PLEKHA5: variants seen among roughly 807,000 people sequenced by gnomAD.
PLEKHA5 encodes pleckstrin homology domain containing A5.
A neutral mutation model predicts 181.9 loss-of-function variants in PLEKHA5; 55 were observed. That is an observed-to-expected ratio of 0.30 (90% CI 0.24 to 0.38). PLEKHA5 has a LOEUF of 0.38. Ranked by LOEUF, PLEKHA5 falls within the 10% of genes least tolerant of loss-of-function variation. PLEKHA5 has a pLI of 1.00. For synonymous variants in PLEKHA5, 535 were observed against 529.4 expected, an observed-to-expected ratio of 1.01 and a Z score of -0.15; for missense variants, 1,432 against 1,549.5, an observed-to-expected ratio of 0.92 and a Z score of 1.27.
At chr12:19,330,707 A>T (rs2092754154) in intron 20 of PLEKHA5, among the ~76,000 whole-genome samples, 1 of 152,192 alleles carries the variant, frequency 6.6e-6, no homozygotes, top group African/African-American at 2.4e-5. Context: ...GATTGACCTG[A>T]AAAATCAACT....
intron 3 of PLEKHA5, among the ~76,000 whole-genome samples, chr12:19,242,755 T>C (rs182370274): frequency 2.6e-5 from 4 of 152,316 alleles, no homozygotes; most frequent in African/African-American, 9.6e-5. Context: ...ATCATACTCA[T>C]ATTTTCTCAC....
intron 3 of PLEKHA5, among the ~76,000 whole-genome samples, chr12:19,239,889 A>T (rs771604155): frequency 7.9e-5 from 12 of 152,156 alleles, no homozygotes; most frequent in Non-Finnish European, 1.8e-4. Flanking sequence ...GTTTATGGTT[A>T]TGAGACTCTT....
At chr12:19,329,977 C>T (rs2092687366) in intron 20 of PLEKHA5, among the ~76,000 whole-genome samples, 2 of 151,546 alleles carry the variant, frequency 1.3e-5, no homozygotes, top group Admixed American at 6.6e-5. Context: ...GGAGTGCCAA[C>T]TACTCAGGAG....
intron 5 of PLEKHA5, among the ~76,000 whole-genome samples, chr12:19,256,276 A>G (rs1369136926): frequency 6.6e-6 from 1 of 152,260 alleles, no homozygotes; most frequent in Non-Finnish European, 1.5e-5. Context: ...AACACAGCAC[A>G]CTAACAACAG....
In PLEKHA5 at chr12:19,360,915, C is replaced by G. The variant is rs982360017; in HGVS notation, c.3484-667C>G. Among the ~76,000 whole-genome samples, 3 of 151,946 alleles carry G rather than the reference C, an allele frequency of 2.0e-5. No homozygotes were observed. The South Asian group carries it at 6.2e-4, about 32-fold the overall frequency. On this transcript the variant is annotated intron_variant, in intron 28 of 31. Coordinates refer to ENST00000429027, the MANE Select transcript of PLEKHA5 (RefSeq NM_001256470.2). ...GGATTACAGGCATGTGCCACCACGC[C>G]CAGCTAATTTTTTGTGTTATTAGTA...
At chr12:19,339,724 A>G (rs935143833) in intron 21 of PLEKHA5, among the ~76,000 whole-genome samples, 4 of 152,316 alleles carry the variant, frequency 2.6e-5, no homozygotes, top group Non-Finnish European at 2.9e-5. Flanking sequence ...GTCATACTCT[A>G]TGAATGGTAA....
chr12:19,197,288 C>G (rs544791581), intron 3 of PLEKHA5, among the ~76,000 whole-genome samples: 1 of 152,152 alleles, frequency 6.6e-6, no homozygotes, highest in South Asian at 2.1e-4. Context: ...CCATTCAGAC[C>G]AGTCTCTCAT....
At chr12:19,244,714 G>A (rs1163815310) in intron 3 of PLEKHA5, among the ~76,000 whole-genome samples, 1 of 152,104 alleles carries the variant, frequency 6.6e-6, no homozygotes, top group Non-Finnish European at 1.5e-5. Flanking sequence ...TCTCTTCTGT[G>A]GGATTCTAAA....
chr12:19,351,819 A>G (rs1342917879), intron 25 of PLEKHA5, among the ~76,000 whole-genome samples: 3 of 152,172 alleles, frequency 2.0e-5, no homozygotes, highest in African/African-American at 7.2e-5. Flanking sequence ...CACACCTGTA[A>G]TCTCAGCATT....
chr12:19,369,700 T>C lies in PLEKHA5; in HGVS notation c.3762T>C (p.Ser1254=). The C allele has an allele frequency of 6.2e-7, 1 of 1,605,402 alleles. No individual in the cohort carries two copies. The highest frequency in any genetic ancestry group is 8.5e-7 in the Non-Finnish European group (1 of 1,174,684). The change falls in exon 31 of 32, where the codon AGT becomes AGC. Residue 1254 remains serine (S), a synonymous_variant. Transcript: ENST00000429027. ...SRGNQTMAVK[S]LSPSPESSAS... ...TTTCTTTGTGTGTTTTAGTGAAAAG[T>C]CTGTCCCCATCTCCTGAGTCCTCGG...
chr12:19,131,789 A>AG (rs568935272), intron 2 of PLEKHA5, among the ~76,000 whole-genome samples: 182 of 152,298 alleles, frequency 1.2e-3, no homozygotes, highest in Middle Eastern at 3.4e-3. Flanking sequence ...GTCATTAATA[A>AG]TAATATGTAG....
intron 3 of PLEKHA5, among the ~76,000 whole-genome samples, chr12:19,141,558 A>G (rs2037303036): frequency 6.6e-6 from 1 of 152,262 alleles, no homozygotes; most frequent in African/African-American, 2.4e-5. Context: ...ACTTCTGAGA[A>G]AAGAAGTAAT....
At chr12:19,194,566 A>AT (rs1456587854) in intron 3 of PLEKHA5, among the ~76,000 whole-genome samples, 4 of 152,150 alleles carry the variant, frequency 2.6e-5, no homozygotes, top group South Asian at 2.1e-4. Context: ...CTACCAAGTG[A>AT]TTTTTTTAAA....
At chr12:19,164,198 T>G (rs1349019789) in intron 3 of PLEKHA5, among the ~76,000 whole-genome samples, 3 of 10,692 alleles carry the variant, frequency 2.8e-4, no homozygotes, top group Admixed American at 7.3e-4. Context: ...GATGTTTTTG[T>G]TTTTTTTTTT....
At chr12:19,213,936 G>T (rs2057450316) in intron 3 of PLEKHA5, among the ~76,000 whole-genome samples, 1 of 152,026 alleles carries the variant, frequency 6.6e-6, no homozygotes, top group Admixed American at 6.6e-5. Context: ...AGCAAAAATT[G>T]GATATAGGGC....
At chr12:19,212,416 C>T (rs956760312) in intron 3 of PLEKHA5, among the ~76,000 whole-genome samples, 1 of 152,174 alleles carries the variant, frequency 6.6e-6, no homozygotes, top group Admixed American at 6.5e-5. Context: ...CGTGTGGTGG[C>T]CCACGCCTGT....
At chr12:19,164,393 C>A (rs999183077) in intron 3 of PLEKHA5, among the ~76,000 whole-genome samples, 1 of 151,932 alleles carries the variant, frequency 6.6e-6, no homozygotes, top group East Asian at 1.9e-4. Context: ...CGGAGTTTCA[C>A]CATGTTGGCC....
chr12:19,167,390 GTCT>G (rs930012608), intron 3 of PLEKHA5, among the ~76,000 whole-genome samples: 1 of 135,304 alleles, frequency 7.4e-6, no homozygotes, highest in African/African-American at 2.9e-5. Flanking sequence ...CACTCTGCAA[GTCT>G]TCTGAGGCTT....
intron 15 of PLEKHA5, among the ~76,000 whole-genome samples, chr12:19,310,797 G>C (rs1240014288): frequency 6.6e-6 from 1 of 151,708 alleles, no homozygotes; most frequent in African/African-American, 2.4e-5. Context: ...TGTTTTTTTG[G>C]TTTCCCAGTG....
Sources: gnomAD v4.1 joint callset for allele counts (sites outside exome capture counted in the v4.1 genomes callset) on GRCh38, gnomAD v4.1.1 for gene constraint, MANE v1.5 for transcripts, NCBI Gene and HGNC (gene_info 2026-07-23, HGNC 2026-07-21) for gene names.